CCDC179: variants seen among roughly 807,000 people sequenced by gnomAD.
The protein encoded by CCDC179 is coiled-coil domain containing 179.
Under a neutral mutation model 12.0 loss-of-function variants are expected in CCDC179, and 17 were observed. The ratio of observed to expected loss-of-function variants is 1.42; its 90% CI spans 0.97 to 2.13. The LOEUF (loss-of-function observed/expected upper bound fraction) is 2.13. Ranked by LOEUF, CCDC179 falls within the 30% of genes most tolerant of loss-of-function variation. The pLI, the probability that CCDC179 is intolerant of heterozygous loss-of-function variation, is 0.00. For missense variants in CCDC179, 83 were observed against 78.6 expected (o/e 1.06, Z -0.21); for synonymous variants, 27 against 26.4 (o/e 1.02, Z -0.07).
At position 22,860,401 on chromosome 11, in the gene CCDC179, G is replaced by A. The variant is rs1169403724; in HGVS notation, c.21C>T (p.Asp7=). The A allele has an allele frequency of 1.3e-6, 2 of 1,535,512 alleles. No homozygotes were observed. Among genetic ancestry groups the A allele is most frequent in the African/African-American group, 1.4e-5 (1 of 73,032 alleles). Residue 7 remains aspartate (D), a synonymous_variant, in exon 1 of 4, where the codon GAC becomes GAT. Transcript: ENST00000532798. The part of the protein sequence containing the change: MCLYCW[D]IEPSQVNPEG... The stretch of plus-strand genomic sequence containing the variant: ...CAGGGTTGACTTGGGAAGGCTCGAT[G>A]TCCCAGCAATACAGGCACATGCCGT...
chr11:22,860,012 G>C (rs1019930370), intron 1 of CCDC179, among the ~76,000 whole-genome samples: 2 of 152,102 alleles, frequency 1.3e-5, no homozygotes, highest in Non-Finnish European at 2.9e-5. Context: ...TCCTTCACTC[G>C]TTTTGATCCA....
intron 2 of CCDC179, among the ~76,000 whole-genome samples, chr11:22,858,578 A>G (rs1041228210): frequency 6.6e-6 from 1 of 152,074 alleles, no homozygotes; most frequent in African/African-American, 2.4e-5. Context: ...ATCAATTGGT[A>G]CAATTGCTTT....
intron 3 of CCDC179, among the ~76,000 whole-genome samples, chr11:22,848,260 A>G (rs760355195): frequency 6.6e-6 from 1 of 152,192 alleles, no homozygotes; most frequent in African/African-American, 2.4e-5. Flanking sequence ...CCTGGCCAAC[A>G]TGGTGAAACC....
Position 22,859,473 on chromosome 11 carries a change from A to G in CCDC179, c.69T>C (p.Pro23=). ...VNPEGPRQHH[P]SEVTERQLAN... The stretch of plus-strand genomic sequence containing the variant: ...TTACCTGCCGCTCAGTGACCTCTGA[A>G]GGATGATGTTGTCTTGGTCCTTCCT... Residue 23 remains proline, a synonymous_variant, in exon 2 of 4, where the codon CCT becomes CCC. Coordinates refer to ENST00000532798, the MANE Select transcript of CCDC179 (RefSeq NM_001195637.2). 2 of 1,503,966 alleles carry G rather than the reference A, an allele frequency of 1.3e-6. No individual in the cohort carries two copies. Among genetic ancestry groups the G allele is most frequent in the Non-Finnish European group, 1.8e-6 (2 of 1,128,972 alleles). 93.2% of individuals were successfully genotyped at this position (1,503,966 alleles called of 1,614,324 possible).
At chr11:22,856,225 A>G (rs1858526605) in intron 3 of CCDC179, among the ~76,000 whole-genome samples, 1 of 151,548 alleles carries the variant, frequency 6.6e-6, no homozygotes, top group African/African-American at 2.4e-5. Context: ...AGACAGGAAA[A>G]TGACAGACCA....
chr11:22,850,198 C>G (rs1858339173), intron 3 of CCDC179, among the ~76,000 whole-genome samples: 1 of 152,200 alleles, frequency 6.6e-6, no homozygotes, highest in South Asian at 2.1e-4. Flanking sequence ...GCATCTATGT[C>G]TGCAGCTCGA....
chr11:22,850,514 C>T (rs1858350617), intron 3 of CCDC179, among the ~76,000 whole-genome samples: 1 of 152,096 alleles, frequency 6.6e-6, no homozygotes. Flanking sequence ...AGCCTCATTC[C>T]ACATTTTTGC....
intron 3 of CCDC179, among the ~76,000 whole-genome samples, chr11:22,854,887 A>T (rs562493686): frequency 3.9e-4 from 59 of 151,872 alleles, no homozygotes; most frequent in African/African-American, 1.4e-3. Context: ...TACATTGCTA[A>T]CAGTAATCAA....
intron 1 of CCDC179, among the ~76,000 whole-genome samples, chr11:22,859,757 G>T (rs1004964847): frequency 2.6e-5 from 4 of 152,124 alleles, no homozygotes; most frequent in African/African-American, 7.2e-5. Context: ...CAGATAAAAG[G>T]CAGAGTATAG....
chr11:22,859,687 A>G (rs1460991837), intron 1 of CCDC179, among the ~76,000 whole-genome samples, 191 bp from the exon 2 acceptor site: 1 of 152,230 alleles, frequency 6.6e-6, no homozygotes, highest in East Asian at 1.9e-4. Context: ...TAAGATAAAA[A>G]TTGTGGTGGA....
chr11:22,853,205 C>G (rs1305945394), intron 3 of CCDC179, among the ~76,000 whole-genome samples: 1 of 152,100 alleles, frequency 6.6e-6, no homozygotes, highest in Non-Finnish European at 1.5e-5. Flanking sequence ...TACATCATAT[C>G]CAGCTTTCAA....
At chr11:22,850,122 A>G (rs1858337080) in intron 3 of CCDC179, among the ~76,000 whole-genome samples, 2 of 152,154 alleles carry the variant, frequency 1.3e-5, no homozygotes, top group African/African-American at 4.8e-5. Context: ...GCTTCTTACT[A>G]TACACGTGGC....
intron 3 of CCDC179, among the ~76,000 whole-genome samples, chr11:22,855,510 G>A (rs547288765): frequency 1.3e-4 from 19 of 151,398 alleles, no homozygotes; most frequent in East Asian, 1.9e-4. Flanking sequence ...AAATGAAAAC[G>A]AAAATATGAT....
intron 1 of CCDC179, among the ~76,000 whole-genome samples, chr11:22,860,131 A>G (rs758977782): frequency 2.4e-4 from 36 of 152,184 alleles, no homozygotes; most frequent in Non-Finnish European, 3.4e-4. Flanking sequence ...GGGCAGGCCA[A>G]TGGGGCAGTC....
At chr11:22,850,686 G>T (rs4494299) in intron 3 of CCDC179, among the ~76,000 whole-genome samples, 58,963 of 151,204 alleles carry the variant, frequency 0.39, 11,976 homozygotes, top group East Asian at 0.64. Flanking sequence ...ACCTTAGATG[G>T]TTTGTTAAGG....
intron 2 of CCDC179, 95 bp from the exon 3 acceptor site, chr11:22,858,121 G>T (rs1475810601): frequency 3.0e-6 from 2 of 661,732 alleles, no homozygotes; most frequent in East Asian, 6.1e-5. Context: ...CAATAAAAAA[G>T]GTAAACACCA....
intron 2 of CCDC179, 106 bp downstream of exon 2, chr11:22,859,346 G>A (rs1369308695): frequency 2.5e-5 from 15 of 605,304 alleles, no homozygotes; most frequent in African/African-American, 1.9e-4. Flanking sequence ...ATACTGAAGT[G>A]TCTACTTAAT....
chr11:22,847,626 C>T lies in CCDC179; in HGVS notation c.196-105G>A, dbSNP rs1306456779. 4 of 499,380 alleles carry T rather than the reference C, an allele frequency of 8.0e-6. No homozygotes were observed. The Admixed American group carries it at 1.2e-4, about 15-fold the overall frequency. 30.9% of individuals were successfully genotyped at this position (499,380 alleles called of 1,614,324 possible). ...ATTTGGAAATGGTCTCATGGAAAAC[C>T]TATTTCATACAAGAAGTATTATAAA... On this transcript the variant is annotated intron_variant, in intron 3 of 3. Coordinates refer to ENST00000532798, the MANE Select transcript of CCDC179 (RefSeq NM_001195637.2).
At chr11:22,853,684 G>A (rs1858468183) in intron 3 of CCDC179, among the ~76,000 whole-genome samples, 1 of 150,936 alleles carries the variant, frequency 6.6e-6, no homozygotes, top group African/African-American at 2.4e-5. Context: ...AGAGGAAGAG[G>A]AAAAGGATGA....
Sources: allele counts gnomAD v4.1 joint callset (sites outside exome capture counted in the v4.1 genomes callset), GRCh38; gene constraint gnomAD v4.1.1; transcripts MANE v1.5; gene names NCBI Gene and HGNC (gene_info 2026-07-23, HGNC 2026-07-21).